The following PENK variants were observed in gnomAD, a reference collection of about 807,000 sequenced individuals.
The protein encoded by PENK is proenkephalin-A.
PENK carries 25 observed loss-of-function variants against 24.1 expected under a neutral mutation model. The observed-to-expected ratio is 1.04, with a 90% CI of 0.76 to 1.45. PENK has a LOEUF of 1.45. Ranked by LOEUF, PENK falls within the 40% of genes most tolerant of loss-of-function variation. PENK has a pLI of 0.00. For missense variants in PENK, 353 were observed against 337.9 expected (o/e 1.04, Z -0.35); for synonymous variants, 135 against 130.3 (o/e 1.04, Z -0.24).
intron 3 of PENK, chr8:56,444,036 A>C: frequency 2.9e-6 from 2 of 699,290 alleles, no homozygotes; most frequent in South Asian, 3.0e-5. Flanking sequence ...CATGATGAGA[A>C]GAGGGTGAGA....
intron 3 of PENK, chr8:56,443,966 G>A (rs1301544120): frequency 1.4e-6 from 1 of 702,070 alleles, no homozygotes; most frequent in Non-Finnish European, 2.6e-6. Flanking sequence ...AGCATAAAAA[G>A]CAGTATGGAA....
chr8:56,442,225 A>T (rs1437743323), intron 3 of PENK, among the ~76,000 whole-genome samples: 1 of 152,214 alleles, frequency 6.6e-6, no homozygotes, highest in Non-Finnish European at 1.5e-5. Context: ...TTTTCCATGC[A>T]GTTTTAACTT....
chr8:56,445,448 TGTG>T (rs201768206), intron 3 of PENK: 10,688 of 491,010 alleles, frequency 0.022, 244 homozygotes, highest in East Asian at 0.064. Flanking sequence ...TGTTAGGAGT[TGTG>T]GTGACAGCCA....
intron 3 of PENK, 30 bp downstream of exon 3, chr8:56,445,786 T>G (rs1194640024): frequency 6.2e-7 from 1 of 1,612,900 alleles, no homozygotes; most frequent in Admixed American, 1.7e-5. Flanking sequence ...TCTCACAAGG[T>G]GCGCAACACT....
rs1389611746 is a variant in PENK, at chr8:56,441,196, A to G, written c.*76T>C. The stretch of plus-strand genomic sequence containing the variant: ...ACAAGGCAAGCAACACATGACAATA[A>G]AACACCATCAACAGTTTCCCACTGG... On this transcript the variant is annotated 3_prime_UTR_variant, in exon 4 of 4. Transcript: ENST00000451791. 9.9e-7 allele frequency: 1 copy of G among 1,010,718 alleles called. No homozygotes were observed. The highest frequency in any genetic ancestry group is 1.6e-5 in the African/African-American group (1 of 62,122). The allele number at this position is 1,010,718 out of a possible 1,614,324, so 62.6% of individuals were successfully genotyped here. A position where few individuals can be genotyped will look rare whatever the true frequency, so the allele number is the denominator to read the frequency against.
In PENK at chr8:56,441,252, G is replaced by T; in HGVS notation, c.*20C>A. 6.6e-7 allele frequency: 1 copy of T among 1,525,810 alleles called. No homozygotes were observed. The highest frequency in any genetic ancestry group is 1.2e-5 in the South Asian group (1 of 81,920). 94.5% of individuals were successfully genotyped at this position (1,525,810 alleles called of 1,614,324 possible). A position where few individuals can be genotyped will look rare whatever the true frequency, so the allele number is the denominator to read the frequency against. The stretch of plus-strand genomic sequence containing the variant: ...GGAGGGAGGCTTGCTGGGGCCTGGG[G>T]CCACTAGTGGGAAAAGATATTAAAA... On this transcript the variant is annotated 3_prime_UTR_variant, in exon 4 of 4. Transcript: ENST00000451791.
At position 56,445,955 on chromosome 8, in the gene PENK, G is replaced by T. The variant is rs1446211351; in HGVS notation, c.-2C>A. 6.2e-7 allele frequency: 1 copy of T among 1,602,484 alleles called. No individual in the cohort carries two copies. Among genetic ancestry groups the T allele is most frequent in the Non-Finnish European group, 8.5e-7 (1 of 1,173,308 alleles). On this transcript the variant is annotated splice_region_variant and 5_prime_UTR_variant, in exon 3 of 4. Coordinates refer to ENST00000451791, the MANE Select transcript of PENK (RefSeq NM_001135690.3). ...GCAAAGTGTCAGGAACCGCGCCATG[G>T]ACTGCGAGGAGAGAGGGACGCGTGC...
In PENK at chr8:56,445,911, C is replaced by A; in HGVS notation, c.43G>T (p.Gly15Cys). The change falls in exon 3 of 4, where the codon GGC becomes TGC. Residue 15 changes from glycine (G) to cysteine (C), a missense_variant. Transcript: ENST00000451791. Reference sequence around the variant, plus strand: ...CGCACGGTCGCCAGGAGCCCGGGGCCGAGCAACAGCAGCCAAGTGCAAAGT... The same window carrying A: ...CGCACGGTCGCCAGGAGCCCGGGGCAGAGCAACAGCAGCCAAGTGCAAAGT... ...LTLCTWLLLL[G>C]PGLLATVRAE... 6.2e-7 allele frequency: 1 copy of A among 1,612,318 alleles called. No individual in the cohort carries two copies. Among genetic ancestry groups the A allele is most frequent in the South Asian group, 1.1e-5 (1 of 90,996 alleles).
Position 56,441,848 on chromosome 8 carries a change from A to T in PENK, c.228T>A (p.Leu76=). The T allele has an allele frequency of 1.2e-6, 2 of 1,614,090 alleles. No individual in the cohort carries two copies. The highest frequency in any genetic ancestry group is 1.7e-6 in the Non-Finnish European group (2 of 1,180,000). The change falls in exon 4 of 4, where the codon CTT becomes CTA. Residue 76 remains leucine (L), a synonymous_variant. Coordinates refer to ENST00000451791, the MANE Select transcript of PENK (RefSeq NM_001135690.3). ...KELLQLSKPE[L]PQDGTSTLRE... is the part of the protein sequence containing the mutation. ...TGAGGGTGCTGGTGCCATCTTGAGG[A>T]AGCTCTGGTTTGGACAGCTGCAGGA...
At chr8:56,443,887 T>A (rs189022767) in intron 3 of PENK, 1 of 664,142 alleles carries the variant, frequency 1.5e-6, no homozygotes, top group Non-Finnish European at 2.7e-6. Flanking sequence ...TTCAAGTTGC[T>A]AACACTACAC....
chr8:56,441,390 C>T lies in PENK; in HGVS notation c.686G>A (p.Arg229Gln), dbSNP rs759549994. The change falls in exon 4 of 4, where the codon CGG (arginine) becomes CAG (glutamine). Residue 229 changes from arginine (R) to glutamine (Q), a missense_variant. Physicochemically the swap from Arg to Gln is conservative, Grantham distance 43. Coordinates refer to ENST00000451791, the MANE Select transcript of PENK (RefSeq NM_001135690.3). The part of the protein sequence containing the change: ...RPEWWMDYQK[R>Q]YGGFLKRFAE... ...AAAGCGCTTCAGGAAACCTCCATAC[C>T]GTTTCTGGTAGTCCATCCACCACTC... 2.5e-6 allele frequency: 4 copies of T among 1,614,114 alleles called. No individual in the cohort carries two copies. The highest frequency in any genetic ancestry group is 3.4e-6 in the Non-Finnish European group (4 of 1,179,996).
Position 56,441,090 on chromosome 8 carries a change from C to G in PENK, c.*182G>C, listed in dbSNP as rs922105443. ...ATAGCTGCAATAGACTAATACTGAGCTTAAAGACTCCAAAAAGAGCACAGA... is the reference window on the plus strand; with the variant it reads ...ATAGCTGCAATAGACTAATACTGAGGTTAAAGACTCCAAAAAGAGCACAGA... On this transcript the variant is annotated 3_prime_UTR_variant, in exon 4 of 4. Coordinates refer to ENST00000451791, the MANE Select transcript of PENK (RefSeq NM_001135690.3). The G allele has an allele frequency of 6.6e-6, 4 of 604,694 alleles. No individual in the cohort carries two copies. The African/African-American group carries it at 7.3e-5, about 11-fold the overall frequency. 37.5% of individuals were successfully genotyped at this position (604,694 alleles called of 1,614,324 possible). A position where few individuals can be genotyped will look rare whatever the true frequency, so the allele number is the denominator to read the frequency against.
intron 2 of PENK, 31 bp from the exon 3 acceptor site, chr8:56,445,987 C>A (rs1044790086): frequency 2.0e-6 from 3 of 1,510,006 alleles, no homozygotes; most frequent in African/African-American, 1.8e-5. Flanking sequence ...GTGCTTCGAG[C>A]CTGCCTGGGC....
chr8:56,441,102 A>G lies in PENK; in HGVS notation c.*170T>C, dbSNP rs1804541081. 4 of 623,734 alleles carry G rather than the reference A, an allele frequency of 6.4e-6. No homozygotes were observed. The highest frequency in any genetic ancestry group is 1.1e-5 in the Non-Finnish European group (4 of 351,488). The allele number at this position is 623,734 out of a possible 1,614,324, so 38.6% of individuals were successfully genotyped here. A position where few individuals can be genotyped will look rare whatever the true frequency, so the allele number is the denominator to read the frequency against. On this transcript the variant is annotated 3_prime_UTR_variant, in exon 4 of 4. Transcript: ENST00000451791. ...GACTAATACTGAGCTTAAAGACTCC[A>G]AAAAGAGCACAGAACCTGAAATGAC...
Position 56,441,779 on chromosome 8 carries a change from C to G in PENK, c.297G>C (p.Arg99Ser). 6.2e-7 allele frequency: 1 copy of G among 1,613,992 alleles called. No individual in the cohort carries two copies. Among genetic ancestry groups the G allele is most frequent in the South Asian group, 1.1e-5 (1 of 91,074 alleles). ...KPEESHLLAK[R>S]YGGFMKRYGG... is the part of the protein sequence containing the mutation. ...CATACCTTTTCATGAAGCCCCCATA[C>G]CTTTTGGCTAGCAAATGGCTTTCTT... Residue 99 changes from arginine (R) to serine (S), a missense_variant, in exon 4 of 4, where the codon AGG (arginine) becomes AGC (serine). Coordinates refer to ENST00000451791, the MANE Select transcript of PENK (RefSeq NM_001135690.3).
intron 3 of PENK, 23 bp downstream of exon 3, chr8:56,445,793 C>T (rs1236038837): frequency 1.9e-6 from 3 of 1,613,220 alleles, no homozygotes; most frequent in East Asian, 4.5e-5. Context: ...AGGTGCGCAA[C>T]ACTCGCCGCG....
In PENK at chr8:56,441,138, T is replaced by C. The variant is rs1804541719; in HGVS notation, c.*134A>G. 3.5e-5 allele frequency: 24 copies of C among 677,650 alleles called. No homozygotes were observed. The South Asian group carries it at 4.4e-4, about 12-fold the overall frequency. The allele number at this position is 677,650 out of a possible 1,614,324, so 42.0% of individuals were successfully genotyped here. On this transcript the variant is annotated 3_prime_UTR_variant, in exon 4 of 4. Coordinates refer to ENST00000451791, the MANE Select transcript of PENK (RefSeq NM_001135690.3). ...AGAACCTGAAATGACAGTTTTCAGG[T>C]TGTATAGTTATCCAGACAATGAAGT...
At position 56,445,805 on chromosome 8, in the gene PENK, G is replaced by T. The variant is rs764634140; in HGVS notation, c.138+11C>A. 7 of 1,613,302 alleles carry T rather than the reference G, an allele frequency of 4.3e-6. No homozygotes were observed. In the South Asian group the frequency reaches 6.6e-5, roughly 15 times the overall value. On this transcript the variant is annotated intron_variant, in intron 3 of 3. Coordinates refer to ENST00000451791, the MANE Select transcript of PENK (RefSeq NM_001135690.3). ...ACAAGGTGCGCAACACTCGCCGCGC[G>T]CAACACTCACCAGGAAGTTGATGTC...
At position 56,445,975 on chromosome 8, in the gene PENK, G is replaced by T; in HGVS notation, c.-3-19C>A. 6.4e-7 allele frequency: 1 copy of T among 1,572,390 alleles called. No homozygotes were observed. Among genetic ancestry groups the T allele is most frequent in the Non-Finnish European group, 8.6e-7 (1 of 1,159,694 alleles). ...CCATGGACTGCGAGGAGAGAGGGAC[G>T]CGTGCTTCGAGCCTGCCTGGGCGCA... On this transcript the variant is annotated intron_variant, in intron 2 of 3. Transcript: ENST00000451791.
Sources: allele counts gnomAD v4.1 joint callset (sites outside exome capture counted in the v4.1 genomes callset), GRCh38; gene constraint gnomAD v4.1.1; transcripts MANE v1.5; gene names NCBI Gene and HGNC (gene_info 2026-07-23, HGNC 2026-07-21).